Variants in FOXP2 observed in about 807,000 individuals in gnomAD.
The protein encoded by FOXP2 is forkhead box protein P2.
Under a neutral mutation model 115.8 loss-of-function variants are expected in FOXP2, and 12 were observed. The observed-to-expected ratio is 0.10, with a 90% CI of 0.07 to 0.17. The LOEUF (loss-of-function observed/expected upper bound fraction) is 0.17, where lower values mean the gene tolerates loss of function less well. FOXP2 is among the 10% of genes least tolerant of loss of function. FOXP2 has a pLI of 1.00. For missense variants in FOXP2, 629 were observed against 843.5 expected (o/e 0.75, Z 3.15); for synonymous variants, 328 against 297.7 (o/e 1.10, Z -1.05).
chr7:114,125,660 A>G (rs1584493177), intron 1 of FOXP2, among the ~76,000 whole-genome samples: 1 of 152,118 alleles, frequency 6.6e-6, no homozygotes, highest in South Asian at 2.1e-4. Flanking sequence ...AAGCTTCACC[A>G]TAGCTTGGAT....
At chr7:114,644,542 A>T (rs1358738798) in intron 7 of FOXP2, 143 bp from the exon 8 acceptor site, 2 of 699,626 alleles carry the variant, frequency 2.9e-6, no homozygotes, top group Non-Finnish European at 5.2e-6. Context: ...TATTCAATAG[A>T]ACGATTAAAT....
chr7:114,653,748 G>A (rs986303513), intron 9 of FOXP2, among the ~76,000 whole-genome samples, 178 bp from the exon 10 acceptor site: 8 of 152,080 alleles, frequency 5.3e-5, no homozygotes, highest in Admixed American at 1.3e-4. Flanking sequence ...AGCTATAAAA[G>A]TTTTTCCCCC....
intron 1 of FOXP2, among the ~76,000 whole-genome samples, chr7:114,234,912 C>G (rs1228002421): frequency 6.6e-6 from 1 of 152,138 alleles, no homozygotes; most frequent in Admixed American, 6.5e-5. Flanking sequence ...CTAGTCATCT[C>G]CAGTTAAAGG....
chr7:114,131,731 T>A (rs1178785946), intron 1 of FOXP2, among the ~76,000 whole-genome samples: 1 of 152,138 alleles, frequency 6.6e-6, no homozygotes, highest in East Asian at 1.9e-4. Flanking sequence ...AAACTAAATA[T>A]CCACATACAC....
intron 2 of FOXP2, among the ~76,000 whole-genome samples, chr7:114,522,485 G>A (rs1798672269): frequency 6.6e-6 from 1 of 152,008 alleles, no homozygotes; most frequent in Non-Finnish European, 1.5e-5. Context: ...CTACCAACAG[G>A]CAACCATTTT....
chr7:114,433,433 GA>G (rs1040859133), intron 2 of FOXP2, among the ~76,000 whole-genome samples: 4 of 151,292 alleles, frequency 2.6e-5, no homozygotes, highest in South Asian at 2.1e-4. Flanking sequence ...AAAATTAGTT[GA>G]AAAAAAATAT....
At chr7:114,331,699 A>G (rs1797720489) in intron 2 of FOXP2, among the ~76,000 whole-genome samples, 1 of 148,982 alleles carries the variant, frequency 6.7e-6, no homozygotes, top group Non-Finnish European at 1.5e-5. Flanking sequence ...ACAGAGTCTC[A>G]CTCTGTCGCC....
intron 2 of FOXP2, among the ~76,000 whole-genome samples, chr7:114,395,478 T>C (rs1188077936): frequency 1.3e-5 from 2 of 152,100 alleles, no homozygotes; most frequent in African/African-American, 4.8e-5. Context: ...AAGTAAATTT[T>C]GAAAGGAAAT....
chr7:114,234,738 G>A (rs1233513698), intron 1 of FOXP2, among the ~76,000 whole-genome samples: 1 of 152,104 alleles, frequency 6.6e-6, no homozygotes, highest in Non-Finnish European at 1.5e-5. Context: ...CTCTAATCTG[G>A]CTCACTGGCT....
intron 2 of FOXP2, among the ~76,000 whole-genome samples, chr7:114,335,440 G>A (rs1029609435): frequency 7.9e-4 from 120 of 151,646 alleles, no homozygotes; most frequent in African/African-American, 2.8e-3. Context: ...TTAGTAACAC[G>A]GAAAACAGCT....
intron 2 of FOXP2, among the ~76,000 whole-genome samples, chr7:114,385,394 A>T (rs1792420855): frequency 6.6e-6 from 1 of 152,162 alleles, no homozygotes; most frequent in Non-Finnish European, 1.5e-5. Context: ...TATACTTCAG[A>T]AGGAAAGGTA....
At chr7:114,629,521 A>G (rs1584968904) in intron 4 of FOXP2, 1 of 1,298,796 alleles carries the variant, frequency 7.7e-7, no homozygotes, top group Admixed American at 2.0e-5. Context: ...AGGACTTCAG[A>G]TGTAATAATT....
chr7:114,177,222 T>C (rs1212829975), intron 1 of FOXP2, among the ~76,000 whole-genome samples: 2 of 152,192 alleles, frequency 1.3e-5, no homozygotes, highest in Non-Finnish European at 2.9e-5. Context: ...TTTTGTATTA[T>C]CAGGTATCTA....
intron 1 of FOXP2, among the ~76,000 whole-genome samples, chr7:114,149,596 T>C (rs2129148615): frequency 6.6e-6 from 1 of 151,880 alleles, no homozygotes; most frequent in South Asian, 2.1e-4. Flanking sequence ...AATTCCCCCA[T>C]TTAACATTTT....
chr7:114,177,306 A>G (rs1360344867), intron 1 of FOXP2, among the ~76,000 whole-genome samples: 7 of 152,148 alleles, frequency 4.6e-5, no homozygotes, highest in East Asian at 1.9e-4. Context: ...GACATTACCA[A>G]CCAGTCTTCT....
At chr7:114,225,313 C>G (rs940235162) in intron 1 of FOXP2, among the ~76,000 whole-genome samples, 4 of 151,992 alleles carry the variant, frequency 2.6e-5, no homozygotes, top group Admixed American at 1.3e-4. Flanking sequence ...CCTTCCCCCC[C>G]TCCCCCTTTC....
chr7:114,488,308 G>T (rs1246294369), intron 2 of FOXP2, among the ~76,000 whole-genome samples: 1 of 152,088 alleles, frequency 6.6e-6, no homozygotes, highest in Non-Finnish European at 1.5e-5. Context: ...GGGGATTATG[G>T]GAGCTACAAT....
intron 1 of FOXP2, among the ~76,000 whole-genome samples, chr7:114,219,850 T>G (rs1200037948): frequency 6.6e-6 from 1 of 151,652 alleles, no homozygotes; most frequent in Non-Finnish European, 1.5e-5. Context: ...GAGGGTTTTT[T>G]TTTTGTTTGT....
chr7:114,613,208 CA>C (rs766835076), intron 3 of FOXP2, among the ~76,000 whole-genome samples: 20 of 152,036 alleles, frequency 1.3e-4, no homozygotes, highest in Non-Finnish European at 2.5e-4. Context: ...TTTTAAAATT[CA>C]AAAGGTACAA....
Sources: gnomAD v4.1 joint callset for allele counts (sites outside exome capture counted in the v4.1 genomes callset) on GRCh38, gnomAD v4.1.1 for gene constraint, MANE v1.5 for transcripts, NCBI Gene and HGNC (gene_info 2026-07-23, HGNC 2026-07-21) for gene names.